SLC35F1: variants seen among roughly 807,000 people sequenced by gnomAD.
The protein encoded by SLC35F1 is chromosome 6 open reading frame 169.
A neutral mutation model predicts 48.7 loss-of-function variants in SLC35F1; 14 were observed. That is an observed-to-expected ratio of 0.29 (90% CI 0.19 to 0.45). The LOEUF (loss-of-function observed/expected upper bound fraction) is 0.45. Ranked by LOEUF, SLC35F1 falls within the 20% of genes least tolerant of loss-of-function variation. SLC35F1 has a pLI of 1.00. For synonymous variants in SLC35F1, 190 were observed against 202.2 expected (o/e 0.94, Z 0.51); for missense variants, 404 against 500.0 (o/e 0.81, Z 1.83).
chr6:117,923,807 A>G (rs367952276), intron 1 of SLC35F1, among the ~76,000 whole-genome samples: 2,405 of 73,610 alleles, frequency 0.033, 45 homozygotes, highest in Non-Finnish European at 0.052. Flanking sequence ...ATATACATAT[A>G]CACATACATA....
intron 4 of SLC35F1, among the ~76,000 whole-genome samples, chr6:118,272,729 A>ATGTGTGTG (rs61289426): frequency 6.5e-4 from 90 of 138,362 alleles, no homozygotes; most frequent in African/African-American, 2.7e-3. Context: ...AAAAATATAT[A>ATGTGTGTG]TGTGTGTGTA....
chr6:118,307,061 A>G (rs953517230), intron 7 of SLC35F1, among the ~76,000 whole-genome samples: 4 of 152,246 alleles, frequency 2.6e-5, no homozygotes, highest in African/African-American at 9.6e-5. Context: ...GTAGGCACAC[A>G]GAGGCCAAGG....
chr6:118,244,294 G>C (rs2114595100), intron 3 of SLC35F1, among the ~76,000 whole-genome samples: 1 of 152,368 alleles, frequency 6.6e-6, no homozygotes, highest in East Asian at 1.9e-4. Flanking sequence ...GCCTAGGAAA[G>C]AATTCAAGGG....
rs373057554 is a variant in SLC35F1 at position 118,287,326 on chromosome 6, C to A, written c.1002+1988C>A. Among the ~76,000 whole-genome samples, 9 of 152,196 alleles carry A rather than the reference C, an allele frequency of 5.9e-5. 1 individual carries two copies. The East Asian group carries it at 1.5e-3, about 26-fold the overall frequency. On this transcript the variant is annotated intron_variant, in intron 7 of 7. Coordinates refer to ENST00000360388, the MANE Select transcript of SLC35F1 (RefSeq NM_001029858.4). Reference sequence around the variant, plus strand: ...TTCAGTTAAGCATCCACATCTAGTCCATTACTTGGTGTGAACTCAGTTCTT... The same window carrying A: ...TTCAGTTAAGCATCCACATCTAGTCAATTACTTGGTGTGAACTCAGTTCTT...
chr6:117,907,586 C>T lies in SLC35F1; in HGVS notation c.-141C>T, dbSNP rs1276144118. 4 of 445,514 alleles carry T rather than the reference C, an allele frequency of 9.0e-6. No individual in the cohort carries two copies. In the Admixed American group the frequency reaches 1.4e-4, roughly 15 times the overall value. The allele number at this position is 445,514 out of a possible 1,614,324, so 27.6% of individuals were successfully genotyped here. On this transcript the variant is annotated 5_prime_UTR_variant, in exon 1 of 8. Transcript: ENST00000360388. ...GGCGGCCGTAGCCGCGGGTGCCTCC[C>T]CGCCTCACCGCTTCGCAGGCAGCAC...
intron 1 of SLC35F1, among the ~76,000 whole-genome samples, chr6:118,086,817 C>T (rs1254659063): frequency 1.3e-5 from 2 of 152,196 alleles, no homozygotes; most frequent in African/African-American, 4.8e-5. Context: ...CTTTAAAATA[C>T]AGGCTCACTG....
intron 1 of SLC35F1, among the ~76,000 whole-genome samples, chr6:118,065,231 A>G (rs1431477914): frequency 6.6e-6 from 1 of 152,204 alleles, no homozygotes; most frequent in Non-Finnish European, 1.5e-5. Context: ...TTAATGCAGG[A>G]TAATAAGCTA....
At chr6:118,061,993 C>T (rs1772548125) in intron 1 of SLC35F1, among the ~76,000 whole-genome samples, 1 of 152,026 alleles carries the variant, frequency 6.6e-6, no homozygotes, top group Admixed American at 6.6e-5. Flanking sequence ...GTTGGCGACC[C>T]CTGGCTTAAA....
intron 2 of SLC35F1, among the ~76,000 whole-genome samples, chr6:118,197,711 CTT>C (rs112320019): frequency 6.8e-6 from 1 of 146,140 alleles, no homozygotes. Flanking sequence ...GGTTTTCTTT[CTT>C]TTTTTTTTTG....
chr6:117,980,835 C>CT (rs1201607041), intron 1 of SLC35F1, among the ~76,000 whole-genome samples: 1 of 152,118 alleles, frequency 6.6e-6, no homozygotes, highest in Admixed American at 6.5e-5. Flanking sequence ...AGTTCAACAG[C>CT]TAGGCCCAGA....
At position 118,088,101 on chromosome 6, in the gene SLC35F1, A is replaced by G. The variant is rs140892563; in HGVS notation, c.174-66344A>G. ...TAATCACTGAGTTACTTTAATAGTTACTTTTAATGGTTACTTTAATAGTTA... is the reference window on the plus strand; with the variant it reads ...TAATCACTGAGTTACTTTAATAGTTGCTTTTAATGGTTACTTTAATAGTTA... On this transcript the variant is annotated intron_variant, in intron 1 of 7. Transcript: ENST00000360388. Among the ~76,000 whole-genome samples, 249 of 152,326 alleles carry G rather than the reference A, an allele frequency of 1.6e-3. 1 individual carries two copies. The highest frequency in any genetic ancestry group is 5.6e-3 in the African/African-American group (234 of 41,578).
chr6:118,294,762 G>A (rs2114652201), intron 7 of SLC35F1, among the ~76,000 whole-genome samples: 1 of 152,008 alleles, frequency 6.6e-6, no homozygotes, highest in Non-Finnish European at 1.5e-5. Context: ...AGGAAGATAT[G>A]GGCTCCATAA....
At chr6:118,138,743 AC>A (rs1192424675) in intron 1 of SLC35F1, among the ~76,000 whole-genome samples, 2 of 151,956 alleles carry the variant, frequency 1.3e-5, no homozygotes, top group African/African-American at 4.8e-5. Flanking sequence ...GAGTTATTTG[AC>A]CCTGCAGTAT....
chr6:118,213,737 C>T (rs565265164), intron 2 of SLC35F1, among the ~76,000 whole-genome samples: 4 of 152,020 alleles, frequency 2.6e-5, no homozygotes, highest in South Asian at 4.2e-4. Context: ...GAGTATGATA[C>T]CAGTATTATA....
At chr6:118,104,267 G>C (rs563680392) in intron 1 of SLC35F1, among the ~76,000 whole-genome samples, 2 of 152,188 alleles carry the variant, frequency 1.3e-5, no homozygotes, top group South Asian at 4.1e-4. Context: ...GCATGGTTCA[G>C]AGGCTGTATA....
At chr6:118,261,964 A>G (rs1470590173) in intron 3 of SLC35F1, among the ~76,000 whole-genome samples, 1 of 152,110 alleles carries the variant, frequency 6.6e-6, no homozygotes, top group African/African-American at 2.4e-5. Flanking sequence ...TGCATCCCAG[A>G]CTTAGAGTTG....
At chr6:118,126,959 G>C (rs967997897) in intron 1 of SLC35F1, among the ~76,000 whole-genome samples, 1 of 152,016 alleles carries the variant, frequency 6.6e-6, no homozygotes, top group Non-Finnish European at 1.5e-5. Flanking sequence ...TTTCCTAATT[G>C]AATACTCTTT....
chr6:118,180,227 G>A (rs1413658046), intron 2 of SLC35F1, among the ~76,000 whole-genome samples: 3 of 152,022 alleles, frequency 2.0e-5, no homozygotes, highest in Non-Finnish European at 4.4e-5. Flanking sequence ...TAGGTGTTTG[G>A]CATAAACAAT....
chr6:118,160,998 T>C (rs1894612), intron 2 of SLC35F1, among the ~76,000 whole-genome samples: 35,091 of 151,758 alleles, frequency 0.23, 4,414 homozygotes, highest in East Asian at 0.37. Context: ...TTCGTATTTG[T>C]TCTCTACAGA....
Sources: allele counts gnomAD v4.1 joint callset (sites outside exome capture counted in the v4.1 genomes callset), GRCh38; gene constraint gnomAD v4.1.1; transcripts MANE v1.5; gene names NCBI Gene and HGNC (gene_info 2026-07-23, HGNC 2026-07-21).